Variants in SUMF1 observed in about 807,000 individuals in gnomAD.
SUMF1 encodes formylglycine-generating enzyme.
SUMF1 carries 48 observed loss-of-function variants against 47.6 expected under a neutral mutation model. That is an observed-to-expected ratio of 1.01 (90% confidence interval 0.80 to 1.28). The LOEUF (loss-of-function observed/expected upper bound fraction) is 1.28. Ranked by LOEUF, SUMF1 falls within the 50% of genes most tolerant of loss-of-function variation. The probability of loss-of-function intolerance (pLI) is 0.00; values close to 1 mark genes in which losing one functional copy is unlikely to be tolerated. For missense variants in SUMF1, 571 were observed against 485.4 expected, an observed-to-expected ratio of 1.18 and a Z score of -1.66; for synonymous variants, 230 against 192.1, an observed-to-expected ratio of 1.20 and a Z score of -1.63.
intron 8 of SUMF1, among the ~76,000 whole-genome samples, chr3:4,312,238 T>C (rs1387987116): frequency 6.6e-6 from 1 of 152,140 alleles, no homozygotes; most frequent in East Asian, 1.9e-4. Context: ...TTAAAATACA[T>C]ATATGCATGT....
chr3:4,209,679 A>T (rs1574979996), intron 8 of SUMF1, among the ~76,000 whole-genome samples: 1 of 152,160 alleles, frequency 6.6e-6, no homozygotes, highest in African/African-American at 2.4e-5. Context: ...CCTTAAACAC[A>T]TGAAAATTAC....
At chr3:4,136,140 G>A (rs1210207215) in intron 8 of SUMF1, among the ~76,000 whole-genome samples, 7 of 152,072 alleles carry the variant, frequency 4.6e-5, no homozygotes, top group African/African-American at 9.6e-5. Context: ...AAGTTCATAC[G>A]GAACCAAAAA....
At chr3:4,217,971 C>A (rs1695973736) in intron 8 of SUMF1, among the ~76,000 whole-genome samples, 2 of 152,032 alleles carry the variant, frequency 1.3e-5, no homozygotes. Flanking sequence ...CCTGTTACTT[C>A]AGTCAAAACA....
chr3:4,311,491 A>G (rs1481768400), intron 8 of SUMF1, among the ~76,000 whole-genome samples: 1 of 152,220 alleles, frequency 6.6e-6, no homozygotes, highest in Non-Finnish European at 1.5e-5. Flanking sequence ...AAAACAGCCC[A>G]TGAAACTGCT....
At position 4,173,891 on chromosome 3, in the gene SUMF1, T is replaced by C. The variant is rs183650319; in HGVS notation, c.1015-105146A>G. Among the ~76,000 whole-genome samples, 196 of 152,010 alleles carry C rather than the reference T, an allele frequency of 1.3e-3. 1 individual carries two copies. The highest frequency in any genetic ancestry group is 4.4e-3 in the African/African-American group (182 of 41,470). ...CGAGGGCCTGTCGGAGGTGGGGTGC[T>C]AGGGGAGGGATAACATTAGGAGAAA... On this transcript the variant is annotated intron_variant and NMD_transcript_variant, in intron 8 of 12. Coordinates refer to the SUMF1 transcript ENST00000448413.
chr3:4,079,268 A>G (rs1692506588), intron 8 of SUMF1, among the ~76,000 whole-genome samples: 1 of 152,138 alleles, frequency 6.6e-6, no homozygotes, highest in Non-Finnish European at 1.5e-5. Context: ...ACCACACACC[A>G]GAATCTTAGA....
chr3:4,227,650 C>T (rs1293964165), intron 8 of SUMF1, among the ~76,000 whole-genome samples: 1 of 152,100 alleles, frequency 6.6e-6, no homozygotes, highest in African/African-American at 2.4e-5. Flanking sequence ...TGGTCTCTAG[C>T]CATTGCTCCT....
Position 4,186,497 on chromosome 3 carries a change from T to C in SUMF1, c.1015-117752A>G, listed in dbSNP as rs1695203553. On this transcript the variant is annotated intron_variant and NMD_transcript_variant, in intron 8 of 12. Coordinates refer to the SUMF1 transcript ENST00000448413. ...GCTTGGTAAGAAATAATTTAAGTAA[T>C]AGGGGGAATTCAGCCCACCATTTTT... Among the ~76,000 whole-genome samples the C allele has an allele frequency of 2.0e-5, 3 of 151,992 alleles. No individual in the cohort carries two copies. The South Asian group carries it at 6.2e-4, about 32-fold the overall frequency.
chr3:4,344,518 G>C (rs1256925550), intron 8 of SUMF1, among the ~76,000 whole-genome samples: 2 of 152,084 alleles, frequency 1.3e-5, no homozygotes, highest in Non-Finnish European at 2.9e-5. Context: ...CCCCACAAAA[G>C]CCCCATCCAA....
At chr3:4,350,271 C>T (rs1361516090) in intron 8 of SUMF1, among the ~76,000 whole-genome samples, 1 of 151,924 alleles carries the variant, frequency 6.6e-6, no homozygotes, top group East Asian at 1.9e-4. Context: ...ATCTGCCCAC[C>T]TTGGCCTCCC....
chr3:4,364,826 A>G (rs1401712965), intron 8 of SUMF1, among the ~76,000 whole-genome samples: 4 of 151,786 alleles, frequency 2.6e-5, no homozygotes, highest in South Asian at 4.2e-4. Flanking sequence ...TAGGGTATCA[A>G]TTTTGGATCT....
chr3:4,166,808 C>T (rs1694717355), intron 8 of SUMF1, among the ~76,000 whole-genome samples: 1 of 152,052 alleles, frequency 6.6e-6, no homozygotes, highest in Non-Finnish European at 1.5e-5. Flanking sequence ...TGTTGACCCT[C>T]AGCTCAGTCC....
chr3:4,173,215 T>C, intron 8 of SUMF1, among the ~76,000 whole-genome samples: 1 of 152,190 alleles, frequency 6.6e-6, no homozygotes, highest in East Asian at 1.9e-4. Flanking sequence ...GCTCTATATA[T>C]CTCTTTTGGT....
intron 8 of SUMF1, among the ~76,000 whole-genome samples, chr3:4,153,413 C>G (rs1694382163): frequency 6.6e-6 from 1 of 151,032 alleles, no homozygotes; most frequent in African/African-American, 2.5e-5. Flanking sequence ...TTAGGATCTT[C>G]CTATATTGCC....
intron 8 of SUMF1, among the ~76,000 whole-genome samples, chr3:4,261,915 T>A (rs1697095373): frequency 6.6e-6 from 1 of 152,176 alleles, no homozygotes; most frequent in African/African-American, 2.4e-5. Context: ...CAAGTTATCC[T>A]TTCAGGGGCT....
chr3:4,140,887 T>G (rs1470632668), intron 8 of SUMF1, among the ~76,000 whole-genome samples: 1 of 151,930 alleles, frequency 6.6e-6, no homozygotes, highest in Non-Finnish European at 1.5e-5. Flanking sequence ...TTATTAGTAA[T>G]CTGTAAAGAT....
chr3:4,062,620 G>A (rs530480377), intron 9 of SUMF1, among the ~76,000 whole-genome samples: 12 of 152,218 alleles, frequency 7.9e-5, no homozygotes, highest in Admixed American at 3.3e-4. Context: ...AGGAATGAGC[G>A]CAATGTGGTG....
At chr3:4,385,345 C>T (rs1357935067) in intron 7 of SUMF1, among the ~76,000 whole-genome samples, 1 of 152,106 alleles carries the variant, frequency 6.6e-6, no homozygotes, top group Non-Finnish European at 1.5e-5. Context: ...GTTGTATCTC[C>T]TTATGGTTTT....
intron 8 of SUMF1, among the ~76,000 whole-genome samples, chr3:4,164,920 T>A (rs1190772480): frequency 1.3e-5 from 2 of 152,136 alleles, no homozygotes; most frequent in Non-Finnish European, 2.9e-5. Flanking sequence ...AGGATTTTCT[T>A]CCTTTCCCTA....
Sources: allele counts gnomAD v4.1 joint callset (sites outside exome capture counted in the v4.1 genomes callset), GRCh38; gene constraint gnomAD v4.1.1; transcripts MANE v1.5; gene names NCBI Gene and HGNC (gene_info 2026-07-23, HGNC 2026-07-21).